Variants in IRF3 observed in about 807,000 individuals in gnomAD.
IRF3 encodes the protein interferon regulatory factor 3.
In IRF3, 29 loss-of-function variants were observed where a neutral mutation model predicts 43.2. The observed-to-expected ratio is 0.67, with a 90% CI of 0.50 to 0.91. The LOEUF (loss-of-function observed/expected upper bound fraction) is 0.91, where lower values mean the gene tolerates loss of function less well. Among genes scored for constraint, IRF3 ranks in the 40% least tolerant of loss-of-function variants. The pLI is 0.00. For missense variants in IRF3, 505 were observed against 559.1 expected, an observed-to-expected ratio of 0.90 and a Z score of 0.98; for synonymous variants, 228 against 233.9, an observed-to-expected ratio of 0.97 and a Z score of 0.23.
In IRF3 at chr19:49,662,088, A is replaced by T. The variant is rs769128818; in HGVS notation, c.842T>A (p.Leu281His). The change falls in exon 6 of 8, where the codon CTC becomes CAC. Residue 281 changes from leucine to histidine, a missense_variant. Leu to His is a moderately conservative substitution (Grantham distance 99). Transcript: ENST00000377139. Reference sequence around the variant, plus strand: ...GCAGTGCCCCAGCCGCTGGGCCCAGAGCCACTGCCCGGCCCGCCAGAGAGC... The same window carrying T: ...GCAGTGCCCCAGCCGCTGGGCCCAGTGCCACTGCCCGGCCCGCCAGAGAGC... ...GLALWRAGQW[L>H]WAQRLGHCHT... 3 of 1,613,560 alleles carry T rather than the reference A, an allele frequency of 1.9e-6. No individual in the cohort carries two copies. In the East Asian group the frequency reaches 6.7e-5, roughly 36 times the overall value.
chr19:49,662,538 G>C lies in IRF3; in HGVS notation c.488C>G (p.Ala163Gly). 1 of 1,535,464 alleles carries C rather than the reference G, an allele frequency of 6.5e-7. No homozygotes were observed. Among genetic ancestry groups the C allele is most frequent in the Non-Finnish European group, 8.7e-7 (1 of 1,145,440 alleles). Residue 163 changes from alanine (A) to glycine (G), a missense_variant, in exon 5 of 8, where the codon GCC becomes GGC. By Grantham distance (60) the Ala-to-Gly change is moderately conservative. Coordinates refer to ENST00000377139, the MANE Select transcript of IRF3 (RefSeq NM_001571.6). ...CAGGGGCTGAGGGCAGGGCTCAGGGGCTACAGCCAGGCTTGGGGGTCCCGG... is the reference window on the plus strand; with the variant it reads ...CAGGGGCTGAGGGCAGGGCTCAGGGCCTACAGCCAGGCTTGGGGGTCCCGG... Reference protein sequence around the residue: ...PDPGPPSLAVAPEPCPQPLRS... With the variant: ...PDPGPPSLAVGPEPCPQPLRS...
rs748591758 is a variant in IRF3, at chr19:49,662,171, T to C, written c.759A>G (p.Thr253=). The C allele has an allele frequency of 3.1e-6, 5 of 1,614,132 alleles. No individual in the cohort carries two copies. Among genetic ancestry groups the C allele is most frequent in the Non-Finnish European group, 4.2e-6 (5 of 1,180,024 alleles). ...VTLPDPGMSL[T]DRGVMSYVRH... is the part of the protein sequence containing the mutation. ...TCACGTAGCTCATCACTCCCCTGTC[T>C]GTCAGGGACATGCCAGGGTCTGGCA... is the stretch of plus-strand genomic sequence containing the variant. The change falls in exon 6 of 8, where the codon ACA becomes ACG. Residue 253 remains threonine (T), a synonymous_variant. Transcript: ENST00000377139.
At chr19:49,663,955 C>A in intron 2 of IRF3, 1 of 220,718 alleles carries the variant, frequency 4.5e-6, no homozygotes, top group Non-Finnish European at 9.3e-6. Flanking sequence ...CTCGGCCTCC[C>A]AAAGTGCTGG....
chr19:49,661,915 T>C, intron 6 of IRF3, 33 bp downstream of exon 6: 8 of 1,576,926 alleles, frequency 5.1e-6, no homozygotes, highest in Non-Finnish European at 6.9e-6. Context: ...GGCTGCTTTG[T>C]ACTGGCCAGG....
At chr19:49,663,937 C>G (rs2081489994) in intron 2 of IRF3, 1 of 227,200 alleles carries the variant, frequency 4.4e-6, no homozygotes, top group Non-Finnish European at 8.9e-6. Flanking sequence ...CTCAGGTGAT[C>G]CGTCCTCCTC....
At position 49,662,066 on chromosome 19, in the gene IRF3, G is replaced by C; in HGVS notation, c.864C>G (p.His288Gln). 1.9e-6 allele frequency: 3 copies of C among 1,613,898 alleles called. No individual in the cohort carries two copies. Among genetic ancestry groups the C allele is most frequent in the South Asian group, 2.2e-5 (2 of 91,082 alleles). The change falls in exon 6 of 8, where the codon CAC becomes CAG. Residue 288 changes from histidine (H) to glutamine (Q), a missense_variant. Coordinates refer to ENST00000377139, the MANE Select transcript of IRF3 (RefSeq NM_001571.6). ...GQWLWAQRLG[H>Q]CHTYWAVSEE... ...CGCTCACTGCCCAGTATGTGTGGCA[G>C]TGCCCCAGCCGCTGGGCCCAGAGCC...
chr19:49,663,591 G>C (rs532631386), intron 2 of IRF3, 77 bp from the exon 3 acceptor site: 6 of 1,406,572 alleles, frequency 4.3e-6, no homozygotes, highest in Non-Finnish European at 9.8e-7. Context: ...CCTGTCTCCC[G>C]AGTCCTAACA....
chr19:49,660,323 C>T (rs943886841), intron 7 of IRF3, among the ~76,000 whole-genome samples: 8 of 152,124 alleles, frequency 5.3e-5, no homozygotes, highest in South Asian at 2.1e-4. Context: ...GTGAGATCAG[C>T]GGCAGCATTA....
chr19:49,660,570 C>A, intron 7 of IRF3, 143 bp downstream of exon 7: 1 of 815,484 alleles, frequency 1.2e-6, no homozygotes, highest in Non-Finnish European at 1.8e-6. Flanking sequence ...AAGGAGCTCC[C>A]GGGGATGAAA....
chr19:49,659,992 C>CACACAT (rs1182584438), intron 7 of IRF3, among the ~76,000 whole-genome samples, 159 bp from the exon 8 acceptor site: 3 of 95,344 alleles, frequency 3.1e-5, no homozygotes, highest in African/African-American at 1.6e-4. Flanking sequence ...TTTACACACA[C>CACACAT]ACACACACAC....
rs2081455342 is a variant in IRF3 at position 49,663,545 on chromosome 19, G to T, written c.166-31C>A. 8 of 1,610,368 alleles carry T rather than the reference G, an allele frequency of 5.0e-6. No homozygotes were observed. The Admixed American group carries it at 5.0e-5, about 10-fold the overall frequency. ...GCAACAGTGGTGTCAGGATGGTGGG[G>T]GAGGACGACTTAGATCCTGCTCCTG... On this transcript the variant is annotated intron_variant, in intron 2 of 7. Coordinates refer to ENST00000377139, the MANE Select transcript of IRF3 (RefSeq NM_001571.6).
chr19:49,661,730 C>G (rs1418468857), intron 6 of IRF3: 32 of 546,192 alleles, frequency 5.9e-5, no homozygotes, highest in Non-Finnish European at 9.2e-5. Flanking sequence ...CAGGCACGTG[C>G]CACCACGCCC....
At chr19:49,661,271 T>C (rs995328483) in intron 6 of IRF3, among the ~76,000 whole-genome samples, 2 of 152,258 alleles carry the variant, frequency 1.3e-5, no homozygotes, top group Admixed American at 1.3e-4. Flanking sequence ...TAGTGGCTGC[T>C]GCACCGGACA....
At chr19:49,665,570 C>T (rs1244574136) in intron 1 of IRF3, 61 bp downstream of exon 1, 5 of 506,342 alleles carry the variant, frequency 9.9e-6, no homozygotes, top group African/African-American at 1.9e-5. Context: ...GCAGACCCAT[C>T]CTCTTTCCCG....
chr19:49,659,996 C>CATATACACACACACACACACACACAT (rs770396432), intron 7 of IRF3, among the ~76,000 whole-genome samples, 163 bp from the exon 8 acceptor site: 1 of 120,548 alleles, frequency 8.3e-6, no homozygotes, highest in Non-Finnish European at 1.7e-5. Context: ...CACACACACA[C>CATATACACACACACACACACACACAT]ACACACACAC....
At chr19:49,664,373 T>C in intron 2 of IRF3, 2 of 1,144,042 alleles carry the variant, frequency 1.7e-6, no homozygotes, top group Admixed American at 2.2e-5. Context: ...CCAGTATCTA[T>C]CCTACAACCA....
At chr19:49,661,389 T>C (rs921014961) in intron 6 of IRF3, 3 of 156,144 alleles carry the variant, frequency 1.9e-5, no homozygotes, top group Admixed American at 1.9e-4. Flanking sequence ...TTAGTTACGA[T>C]GATGATGACA....
At position 49,661,943 on chromosome 19, in the gene IRF3, C is replaced by T. The variant is rs917578110; in HGVS notation, c.982+5G>A. ...TGGCCAGGTCGAAGCCCCTGTCTCA[C>T]TCACCTACAATGAAGGGCCCCAGGT... is the stretch of plus-strand genomic sequence containing the variant. On this transcript the variant is annotated splice_donor_5th_base_variant and intron_variant, in intron 6 of 7. Coordinates refer to ENST00000377139, the MANE Select transcript of IRF3 (RefSeq NM_001571.6). 6.2e-7 allele frequency: 1 copy of T among 1,600,856 alleles called. No homozygotes were observed. The highest frequency in any genetic ancestry group is 8.5e-7 in the Non-Finnish European group (1 of 1,171,598).
chr19:49,659,878 C>G (rs2122554584), intron 7 of IRF3, 45 bp from the exon 8 acceptor site: 3 of 1,539,772 alleles, frequency 1.9e-6, no homozygotes, highest in Non-Finnish European at 2.6e-6. Flanking sequence ...CACCCAGCCA[C>G]TGTCCACCAA....
Sources: allele counts gnomAD v4.1 joint callset (sites outside exome capture counted in the v4.1 genomes callset), GRCh38; gene constraint gnomAD v4.1.1; transcripts MANE v1.5; gene names NCBI Gene and HGNC (gene_info 2026-07-23, HGNC 2026-07-21).